Variants in HSPG2 observed in about 807,000 individuals in gnomAD.
HSPG2 encodes the protein heparan sulfate proteoglycan 2, also known as basement membrane-specific heparan sulfate proteoglycan core protein.
Under a neutral mutation model 526.6 loss-of-function variants are expected in HSPG2, and 278 were observed. The observed-to-expected ratio is 0.53, with a 90% CI of 0.48 to 0.58. The LOEUF is 0.58. Among genes scored for constraint, HSPG2 ranks in the 20% least tolerant of loss-of-function variants. HSPG2 has a pLI of 0.00. For synonymous variants in HSPG2, 2,465 were observed against 2,555.4 expected (o/e 0.96, Z 1.07); for missense variants, 5,354 against 6,099.5 (o/e 0.88, Z 4.07).
At chr1:21,919,220 G>C (rs986183759) in intron 1 of HSPG2, among the ~76,000 whole-genome samples, 2 of 152,204 alleles carry the variant, frequency 1.3e-5, no homozygotes, top group Non-Finnish European at 2.9e-5. Context: ...GAGGTCGGGA[G>C]TTTGAGACCA....
At position 21,890,386 on chromosome 1, in the gene HSPG2, C is replaced by T. The variant is rs377208736; in HGVS notation, c.413+41G>A. The T allele has an allele frequency of 8.3e-5, 133 of 1,597,108 alleles. No homozygotes were observed. The highest frequency in any genetic ancestry group is 1.1e-4 in the Non-Finnish European group (123 of 1,164,836). ...CCTCATCAGCCCCCTCCAGGTTACC[C>T]GCTCAAGTCCCCCAGCAGCCCCCAG... On this transcript the variant is annotated intron_variant, in intron 5 of 96. Coordinates refer to ENST00000374695, the MANE Select transcript of HSPG2 (RefSeq NM_005529.7). The surrounding 1 kb of genome is among the most constrained non-coding windows in gnomAD (Gnocchi z 4.1).
chr1:21,857,083 C>T lies in HSPG2; in HGVS notation c.5507G>A (p.Gly1836Asp). 6.2e-7 allele frequency: 1 copy of T among 1,614,148 alleles called. No individual in the cohort carries two copies. The highest frequency in any genetic ancestry group is 2.2e-5 in the East Asian group (1 of 44,876). Residue 1836 changes from glycine (G) to aspartate (D), a missense_variant, in exon 44 of 97, where the codon GGC becomes GAC. Transcript: ENST00000374695. ...GTTGGAGCCGGTGCACACGTAGGTG[C>T]CTGCATCACTCAGCTGGACGTTGCG... is the stretch of plus-strand genomic sequence containing the variant. ...TIRNVQLSDA[G>D]TYVCTGSNMF...
At chr1:21,934,177 C>G (rs149506080) in intron 1 of HSPG2, among the ~76,000 whole-genome samples, 2 of 152,358 alleles carry the variant, frequency 1.3e-5, no homozygotes, top group East Asian at 1.9e-4. Context: ...TCCTGTCCCC[C>G]GTCCCGGGGA....
intron 38 of HSPG2, 57 bp downstream of exon 38, chr1:21,861,931 C>T: frequency 6.2e-7 from 1 of 1,613,750 alleles, no homozygotes; most frequent in Non-Finnish European, 8.5e-7. Context: ...CAGTGCAACG[C>T]CTTCCACTCA....
In HSPG2 at chr1:21,859,692, C is replaced by G. The variant is rs570623272; in HGVS notation, c.5183-16G>C. 76 of 1,599,320 alleles carry G rather than the reference C, an allele frequency of 4.8e-5. No individual in the cohort carries two copies. The Admixed American group carries it at 1.3e-3, about 27-fold the overall frequency. On this transcript the variant is annotated splice_polypyrimidine_tract_variant and intron_variant, in intron 41 of 96. Transcript: ENST00000374695. The surrounding 1 kb of genome is among the most constrained non-coding windows in gnomAD (Gnocchi z 5.3). ...AGCTCGGAGCCTGGTGGGGAGGAGA[C>G]AAGAGCTTGTTGGTGCAGATACACT...
At chr1:21,923,330 C>A (rs1042522631) in intron 1 of HSPG2, among the ~76,000 whole-genome samples, 3 of 152,216 alleles carry the variant, frequency 2.0e-5, no homozygotes, top group South Asian at 4.2e-4. Context: ...TCGCTTGAAC[C>A]AGGAAGCGGA....
chr1:21,934,485 C>A (rs1298076929), intron 1 of HSPG2, among the ~76,000 whole-genome samples: 2 of 152,194 alleles, frequency 1.3e-5, no homozygotes, highest in Non-Finnish European at 2.9e-5. Context: ...ACTTCAGAGA[C>A]AGGCCAGGCA....
At position 21,851,427 on chromosome 1, in the gene HSPG2, C is replaced by G. The variant is rs1374756818; in HGVS notation, c.7158+119G>C. The G allele has an allele frequency of 1.1e-5, 16 of 1,422,566 alleles. No individual in the cohort carries two copies. In the East Asian group the frequency reaches 3.5e-4, roughly 31 times the overall value. 88.1% of individuals were successfully genotyped at this position (1,422,566 alleles called of 1,614,324 possible). A position where few individuals can be genotyped will look rare whatever the true frequency, so the allele number is the denominator to read the frequency against. On this transcript the variant is annotated intron_variant, in intron 55 of 96. Coordinates refer to ENST00000374695, the MANE Select transcript of HSPG2 (RefSeq NM_005529.7). ...GGTTTCTAACCACTGCACTATACAT[C>G]TGTGCAATGGGGTCCAGGGCTTCCT...
intron 37 of HSPG2, among the ~76,000 whole-genome samples, chr1:21,863,068 A>AAAAAAAAAAAAAC (rs1557740491): frequency 0.13 from 8,859 of 65,910 alleles, 942 homozygotes; most frequent in Non-Finnish European, 0.18. Context: ...CTCAAAAAAA[A>AAAAAAAAAAAAAC]AAAAAAAAAA....
intron 1 of HSPG2, among the ~76,000 whole-genome samples, chr1:21,905,176 CACA>C (rs1176012508): frequency 4.4e-5 from 4 of 90,428 alleles, no homozygotes; most frequent in Non-Finnish European, 1.1e-4. Flanking sequence ...CCCACCCACA[CACA>C]CACACACACA....
intron 37 of HSPG2, among the ~76,000 whole-genome samples, chr1:21,863,430 G>C (rs1430125768): frequency 7.9e-5 from 12 of 152,012 alleles, no homozygotes; most frequent in Admixed American, 7.9e-4. Flanking sequence ...AAAACATGTG[G>C]GTTACAGATT....
chr1:21,917,663 T>A (rs1178354252), intron 1 of HSPG2, among the ~76,000 whole-genome samples: 1 of 152,114 alleles, frequency 6.6e-6, no homozygotes, highest in African/African-American at 2.4e-5. Context: ...AGGGCACATT[T>A]GCCTGCCTCT....
chr1:21,849,996 T>C, intron 57 of HSPG2, 45 bp downstream of exon 57: 1 of 1,610,504 alleles, frequency 6.2e-7, no homozygotes, highest in African/African-American at 1.3e-5. Context: ...GCTCTTGTAC[T>C]GCAGCTACAG....
intron 33 of HSPG2, chr1:21,870,383 T>A: frequency 4.2e-6 from 3 of 714,626 alleles, no homozygotes; most frequent in Non-Finnish European, 5.1e-6. Flanking sequence ...ATGGGCAGGG[T>A]CCTCTACCCA....
At chr1:21,871,294 C>G (rs1640632733) in intron 33 of HSPG2, among the ~76,000 whole-genome samples, 1 of 135,018 alleles carries the variant, frequency 7.4e-6, no homozygotes, top group African/African-American at 2.8e-5. Context: ...GGGTCTTACT[C>G]TGTCACCCAG....
rs377538651 is a variant in HSPG2 at position 21,872,541 on chromosome 1, G to A, written c.4029+79C>T. 25 of 1,517,068 alleles carry A rather than the reference G, an allele frequency of 1.6e-5. No homozygotes were observed. The highest frequency in any genetic ancestry group is 1.4e-4 in the African/African-American group (10 of 72,620). 94.0% of individuals were successfully genotyped at this position (1,517,068 alleles called of 1,614,324 possible). Reference sequence around the variant, plus strand: ...GGGTACTGAGGCGGGGATGAGGGTCGCTGGGCTCAGTGCTCAGATGGACAG... The same window carrying A: ...GGGTACTGAGGCGGGGATGAGGGTCACTGGGCTCAGTGCTCAGATGGACAG... On this transcript the variant is annotated intron_variant, in intron 32 of 96. Transcript: ENST00000374695. The surrounding 1 kb of genome is among the most constrained non-coding windows in gnomAD (Gnocchi z 5.5).
At chr1:21,851,129 T>C (rs1423088521) in intron 55 of HSPG2, among the ~76,000 whole-genome samples, 1 of 152,006 alleles carries the variant, frequency 6.6e-6, no homozygotes, top group Non-Finnish European at 1.5e-5. Context: ...CCTGCCACTA[T>C]GCCCGGCTAA....
intron 91 of HSPG2, among the ~76,000 whole-genome samples, chr1:21,826,577 T>C (rs958716556): frequency 6.6e-5 from 10 of 151,898 alleles, no homozygotes; most frequent in African/African-American, 2.4e-4. Context: ...GCATGCAATC[T>C]TGGCTCATGG....
At chr1:21,840,973 C>T in intron 71 of HSPG2, 128 bp downstream of exon 71, 4 of 800,710 alleles carry the variant, frequency 5.0e-6, no homozygotes, top group South Asian at 1.5e-5. Flanking sequence ...CCATCCCATC[C>T]CATTCCTCCC....
Sources: allele counts gnomAD v4.1 joint callset (sites outside exome capture counted in the v4.1 genomes callset), GRCh38; gene constraint gnomAD v4.1.1; non-coding constraint Gnocchi (gnomAD v3.1); transcripts MANE v1.5; gene names NCBI Gene and HGNC (gene_info 2026-07-23, HGNC 2026-07-21).